WWP2: variants seen among roughly 807,000 people sequenced by gnomAD.
The protein encoded by WWP2 is NEDD4-like E3 ubiquitin-protein ligase WWP2.
A neutral mutation model predicts 121.0 loss-of-function variants in WWP2; 57 were observed. That is an observed-to-expected ratio of 0.47 (90% confidence interval 0.38 to 0.59). The LOEUF is 0.59. Among genes scored for constraint, WWP2 ranks in the 20% least tolerant of loss-of-function variants. The probability of loss-of-function intolerance (pLI) is 0.00; values close to 1 mark genes in which losing one functional copy is unlikely to be tolerated. For synonymous variants in WWP2, 449 were observed against 441.3 expected (o/e 1.02, Z -0.22); for missense variants, 962 against 1,158.9 (o/e 0.83, Z 2.47).
At chr16:69,777,096 A>G (rs1319009072) in intron 1 of WWP2, among the ~76,000 whole-genome samples, 4 of 151,088 alleles carry the variant, frequency 2.6e-5, no homozygotes, top group African/African-American at 9.7e-5. Context: ...ATGGATATAT[A>G]TATACACATA....
At chr16:69,841,282 G>T (rs140880900) in intron 5 of WWP2, among the ~76,000 whole-genome samples, 89 of 152,260 alleles carry the variant, frequency 5.8e-4, no homozygotes, top group Non-Finnish European at 1.2e-3. Flanking sequence ...AAAACCACAG[G>T]GTGCTATGAG....
intron 4 of WWP2, among the ~76,000 whole-genome samples, chr16:69,830,395 A>G (rs2056773650): frequency 6.6e-6 from 1 of 152,194 alleles, no homozygotes; most frequent in African/African-American, 2.4e-5. Flanking sequence ...AGCCCAGGAA[A>G]TGTTTCCTGA....
intron 2 of WWP2, among the ~76,000 whole-genome samples, chr16:69,796,665 A>G (rs921304029): frequency 2.0e-5 from 3 of 152,180 alleles, no homozygotes; most frequent in African/African-American, 7.2e-5. Flanking sequence ...TTTTAAAGGC[A>G]TGTAGATTCA....
chr16:69,852,877 A>T (rs984794567), intron 6 of WWP2, among the ~76,000 whole-genome samples: 56 of 152,174 alleles, frequency 3.7e-4, no homozygotes, highest in African/African-American at 1.3e-3. Flanking sequence ...CTTTCATGCT[A>T]CGATGGTATG....
At chr16:69,835,954 C>T (rs1422026889) in intron 4 of WWP2, among the ~76,000 whole-genome samples, 2 of 152,064 alleles carry the variant, frequency 1.3e-5, no homozygotes, top group Admixed American at 6.6e-5. Flanking sequence ...AGGTGTGTGC[C>T]ACCATGCCTG....
At chr16:69,907,800 AG>A (rs1444844184) in intron 8 of WWP2, among the ~76,000 whole-genome samples, 1 of 152,230 alleles carries the variant, frequency 6.6e-6, no homozygotes, top group Admixed American at 6.5e-5. Flanking sequence ...TTGACTTCAT[AG>A]GTAGAGCAGT....
chr16:69,933,181 C>G (rs938962181), intron 16 of WWP2: 2 of 486,786 alleles, frequency 4.1e-6, no homozygotes, highest in Admixed American at 2.2e-5. Flanking sequence ...CCGGGGCACC[C>G]TCTGCGTCGA....
chr16:69,797,000 C>T (rs925876319), intron 2 of WWP2, among the ~76,000 whole-genome samples: 1 of 152,210 alleles, frequency 6.6e-6, no homozygotes, highest in Non-Finnish European at 1.5e-5. Flanking sequence ...AACAGGGAAG[C>T]TCAGGCTAGG....
intron 4 of WWP2, chr16:69,827,749 G>T (rs1219667409): frequency 5.3e-6 from 2 of 380,840 alleles, no homozygotes; most frequent in African/African-American, 4.2e-5. Context: ...AGCCAGGCAG[G>T]GCCTGGGCAG....
intron 4 of WWP2, among the ~76,000 whole-genome samples, chr16:69,808,078 C>T (rs2056317322): frequency 2.6e-5 from 4 of 152,188 alleles, no homozygotes; most frequent in Admixed American, 2.6e-4. Context: ...CCAGAAGTTT[C>T]CCATTGTCCC....
At chr16:69,852,590 T>G (rs2057238671) in intron 6 of WWP2, among the ~76,000 whole-genome samples, 1 of 152,212 alleles carries the variant, frequency 6.6e-6, no homozygotes, top group African/African-American at 2.4e-5. Context: ...ATGGAGAGTC[T>G]TTTCATATGC....
In WWP2 at chr16:69,846,355, G is replaced by A. The variant is rs563896085; in HGVS notation, c.575+4235G>A. 4.1e-4 allele frequency among the ~76,000 whole-genome samples: 62 copies of A among 152,270 alleles called. 1 individual carries two copies. Among genetic ancestry groups the A allele is most frequent in the African/African-American group, 1.5e-3 (61 of 41,560 alleles). ...ACAGTACCATAGTAGGATGTCATAC[G>A]TAGAAAGTTGAAAAATGCAAAGCCA... On this transcript the variant is annotated intron_variant, in intron 6 of 23. Transcript: ENST00000359154.
chr16:69,866,156 T>G (rs2057518184), intron 6 of WWP2, among the ~76,000 whole-genome samples: 1 of 152,174 alleles, frequency 6.6e-6, no homozygotes, highest in Non-Finnish European at 1.5e-5. Flanking sequence ...ATTTTATTAT[T>G]ATTTCTCAGT....
intron 8 of WWP2, among the ~76,000 whole-genome samples, chr16:69,900,841 T>C (rs980489393): frequency 2.0e-5 from 3 of 152,104 alleles, no homozygotes. Context: ...CCAACCTCTA[T>C]TGAGGAGCTT....
intron 5 of WWP2, among the ~76,000 whole-genome samples, chr16:69,840,693 A>C (rs1043834972): frequency 4.6e-5 from 7 of 152,184 alleles, no homozygotes; most frequent in African/African-American, 1.4e-4. Flanking sequence ...ATACAGACAG[A>C]GCAGGGAATT....
intron 4 of WWP2, among the ~76,000 whole-genome samples, chr16:69,827,349 G>A (rs141232300): frequency 2.0e-5 from 3 of 151,964 alleles, no homozygotes; most frequent in East Asian, 1.9e-4. Flanking sequence ...AGCCAAGATC[G>A]CGCCACTGCA....
At chr16:69,836,710 G>T (rs1256936149) in intron 4 of WWP2, among the ~76,000 whole-genome samples, 5 of 152,006 alleles carry the variant, frequency 3.3e-5, no homozygotes, top group Non-Finnish European at 5.9e-5. Context: ...CCCAACCCAG[G>T]CTCAAGTAAT....
intron 10 of WWP2, among the ~76,000 whole-genome samples, chr16:69,918,495 C>T (rs1160833078): frequency 6.6e-6 from 1 of 152,174 alleles, no homozygotes; most frequent in African/African-American, 2.4e-5. Flanking sequence ...TGGCTGCTTT[C>T]GTGGTACAAT....
At chr16:69,909,815 C>A in intron 9 of WWP2, 1 of 585,052 alleles carries the variant, frequency 1.7e-6, no homozygotes, top group Non-Finnish European at 2.2e-6. Flanking sequence ...AATAATGTTA[C>A]AAACCCCCAC....
Sources: gnomAD v4.1 joint callset for allele counts (sites outside exome capture counted in the v4.1 genomes callset) on GRCh38, gnomAD v4.1.1 for gene constraint, MANE v1.5 for transcripts, NCBI Gene and HGNC (gene_info 2026-07-23, HGNC 2026-07-21) for gene names.